PDGFB: variants seen among roughly 807,000 people sequenced by gnomAD.
PDGFB encodes platelet derived growth factor subunit B.
A neutral mutation model predicts 29.0 loss-of-function variants in PDGFB; 6 were observed. The ratio of observed to expected loss-of-function variants is 0.21; its 90% CI spans 0.11 to 0.41. PDGFB has a LOEUF of 0.41. Among genes scored for constraint, PDGFB ranks in the 10% least tolerant of loss-of-function variants. The pLI is 1.00. For synonymous variants in PDGFB, 144 were observed against 140.8 expected (o/e 1.02, Z -0.16); for missense variants, 299 against 341.8 (o/e 0.87, Z 0.99).
intron 2 of PDGFB, among the ~76,000 whole-genome samples, 167 bp downstream of exon 2, chr22:39,235,611 T>A (rs1387513969): frequency 6.6e-6 from 1 of 152,230 alleles, no homozygotes; most frequent in African/African-American, 2.4e-5. Context: ...CCAACCCGCC[T>A]GCTGACTCGG....
chr22:39,237,599 A>G (rs892534672), intron 1 of PDGFB, among the ~76,000 whole-genome samples: 3 of 152,174 alleles, frequency 2.0e-5, no homozygotes, highest in African/African-American at 7.2e-5. Context: ...TTTCCACCTC[A>G]GAAGAGAGAC....
intron 5 of PDGFB, among the ~76,000 whole-genome samples, chr22:39,226,909 G>C (rs992074924): frequency 2.0e-5 from 3 of 152,206 alleles, no homozygotes; most frequent in Admixed American, 2.0e-4. Context: ...CCCACGTATC[G>C]TGGACATTGG....
chr22:39,241,057 G>A (rs773155580), intron 1 of PDGFB: 4 of 670,380 alleles, frequency 6.0e-6, no homozygotes, highest in Non-Finnish European at 1.1e-5. Context: ...TGCCCCCTAG[G>A]GCCATTAGCA....
rs2041042670 is a variant in PDGFB, at chr22:39,225,740, C to T, written c.709G>A (p.Glu237Lys). 1.2e-6 allele frequency: 2 copies of T among 1,614,018 alleles called. No homozygotes were observed. The highest frequency in any genetic ancestry group is 1.3e-5 in the African/African-American group (1 of 74,940). Residue 237 changes from glutamate to lysine, a missense_variant, in exon 6 of 7, where the codon GAG (glutamate) becomes AAG (lysine). Glu to Lys is a moderately conservative substitution (Grantham distance 56). Coordinates refer to ENST00000331163, the MANE Select transcript of PDGFB (RefSeq NM_002608.4). ...CGATGCCCCTAGGCTCCAAGGGTCT[C>T]CTTCAGTGCCGTCTTGTCATGCGTG... ...KHTHDKTALK[E>K]TLGA
chr22:39,233,410 C>A lies in PDGFB; in HGVS notation c.250+25G>T, dbSNP rs550224044. The A allele has an allele frequency of 8.1e-5, 127 of 1,559,648 alleles. No homozygotes were observed. In the African/African-American group the frequency reaches 1.6e-3, roughly 20 times the overall value. The stretch of plus-strand genomic sequence containing the variant: ...CTGGCCCCCATGCTAATTTGAAGGA[C>A]CCTTGTTGGGTGTCTCAGTCTTACC... On this transcript the variant is annotated intron_variant, in intron 3 of 6. Coordinates refer to ENST00000331163, the MANE Select transcript of PDGFB (RefSeq NM_002608.4).
rs1236165672 is a variant in PDGFB at position 39,223,728 on chromosome 22, G to A, written c.*1614C>T. ...TATTTTTTTTTACAACTTTAAATAC[G>A]GAATATAAATAAATTTTACATTTAA... On this transcript the variant is annotated 3_prime_UTR_variant, in exon 7 of 7. Transcript: ENST00000331163. 8 of 152,666 alleles carry A rather than the reference G, an allele frequency of 5.2e-5. No homozygotes were observed. The highest frequency in any genetic ancestry group is 2.1e-4 in the South Asian group (1 of 4,826). 9.5% of individuals were successfully genotyped at this position (152,666 alleles called of 1,614,324 possible).
intron 4 of PDGFB, among the ~76,000 whole-genome samples, chr22:39,230,775 A>G (rs565753953): frequency 6.6e-6 from 1 of 152,240 alleles, no homozygotes; most frequent in South Asian, 2.1e-4. Flanking sequence ...AGGAGAGGCC[A>G]CGGGCTGGTG....
intron 5 of PDGFB, among the ~76,000 whole-genome samples, chr22:39,227,511 T>C (rs954412268): frequency 7.2e-5 from 11 of 152,214 alleles, no homozygotes; most frequent in African/African-American, 2.7e-4. Context: ...CTGGTGCTGT[T>C]CTATGCTCAT....
At chr22:39,236,882 G>A (rs1445289959) in intron 1 of PDGFB, among the ~76,000 whole-genome samples, 1 of 152,230 alleles carries the variant, frequency 6.6e-6, no homozygotes, top group Non-Finnish European at 1.5e-5. Context: ...TGCAGGCACA[G>A]GCACTCGGGC....
rs929580017 is a variant in PDGFB, at chr22:39,243,849, G to C, written c.63+52C>G. ...GGAGAGGAGGGGGCGGTCAGAAGGG[G>C]GGGGCGAAGGTAATGAATGAAGAAC... On this transcript the variant is annotated intron_variant, in intron 1 of 6. Coordinates refer to ENST00000331163, the MANE Select transcript of PDGFB (RefSeq NM_002608.4). This position sits in a 1 kb window ranked among gnomAD's most constrained non-coding sequence, Gnocchi z 6.4. The C allele has an allele frequency of 6.8e-7, 1 of 1,467,622 alleles. No individual in the cohort carries two copies. The highest frequency in any genetic ancestry group is 1.4e-5 in the African/African-American group (1 of 71,072). The allele number at this position is 1,467,622 out of a possible 1,614,324, so 90.9% of individuals were successfully genotyped here. A position where few individuals can be genotyped will look rare whatever the true frequency, so the allele number is the denominator to read the frequency against.
intron 5 of PDGFB, among the ~76,000 whole-genome samples, chr22:39,228,483 G>C (rs1932218993): frequency 6.6e-6 from 1 of 152,180 alleles, no homozygotes; most frequent in Non-Finnish European, 1.5e-5. Flanking sequence ...CAGCTACTCA[G>C]GAGGCTGAGG....
intron 1 of PDGFB, among the ~76,000 whole-genome samples, chr22:39,240,557 C>T (rs1170477053): frequency 6.6e-6 from 1 of 152,122 alleles, no homozygotes; most frequent in Admixed American, 6.6e-5. Flanking sequence ...GGGGGGCTGC[C>T]CTCGGAGCAG....
intron 5 of PDGFB, among the ~76,000 whole-genome samples, chr22:39,229,008 T>C (rs995047423): frequency 3.9e-5 from 6 of 151,938 alleles, no homozygotes; most frequent in African/African-American, 1.4e-4. Flanking sequence ...AGCCTTTCCA[T>C]GGCATCCAGC....
At chr22:39,225,868 C>G in intron 5 of PDGFB, 21 bp from the exon 6 acceptor site, 1 of 1,605,694 alleles carries the variant, frequency 6.2e-7, no homozygotes, top group Admixed American at 1.7e-5. Context: ...AAAAGAAAGA[C>G]CTCGTCAGCA....
chr22:39,244,054 G>A lies in PDGFB; in HGVS notation c.-91C>T. The A allele has an allele frequency of 1.6e-6, 1 of 608,034 alleles. No individual in the cohort carries two copies. The highest frequency in any genetic ancestry group is 2.7e-6 in the Non-Finnish European group (1 of 376,090). 37.7% of individuals were successfully genotyped at this position (608,034 alleles called of 1,614,324 possible). A position where few individuals can be genotyped will look rare whatever the true frequency, so the allele number is the denominator to read the frequency against. On this transcript the variant is annotated 5_prime_UTR_variant, in exon 1 of 7. Coordinates refer to ENST00000331163, the MANE Select transcript of PDGFB (RefSeq NM_002608.4). This position sits in a 1 kb window ranked among gnomAD's most constrained non-coding sequence, Gnocchi z 4.5. ...AGGGTGGGGGGCTGGGGAGGGGGGT[G>A]GGCTCGGCTCGGGTCCGCGGCGATC...
Position 39,242,382 on chromosome 22 carries a change from G to A in PDGFB, c.63+1519C>T. ...GCCGTTCCCAGGACGCCCTGGCACC[G>A]GGCCCAGCCCCCAGGTCCCACGGCG... On this transcript the variant is annotated intron_variant, in intron 1 of 6. Coordinates refer to ENST00000331163, the MANE Select transcript of PDGFB (RefSeq NM_002608.4). This position sits in a 1 kb window ranked among gnomAD's most constrained non-coding sequence, Gnocchi z 5.7. 4.9e-6 allele frequency: 1 copy of A among 206,136 alleles called. No individual in the cohort carries two copies. Among genetic ancestry groups the A allele is most frequent in the Non-Finnish European group, 9.9e-6 (1 of 101,044 alleles). The allele number at this position is 206,136 out of a possible 1,614,324, so 12.8% of individuals were successfully genotyped here.
rs879323488 is a variant in PDGFB, at chr22:39,242,869, G to C, written c.63+1032C>G. 23 of 232,542 alleles carry C rather than the reference G, an allele frequency of 9.9e-5. No individual in the cohort carries two copies. The highest frequency in any genetic ancestry group is 1.4e-4 in the Non-Finnish European group (17 of 117,666). The allele number at this position is 232,542 out of a possible 1,614,324, so 14.4% of individuals were successfully genotyped here. A position where few individuals can be genotyped will look rare whatever the true frequency, so the allele number is the denominator to read the frequency against. ...CGGTACCCAGTCACGCCGCGCTCCC[G>C]GCTGCCCTCTCCTCCCCTCCACCGC... On this transcript the variant is annotated intron_variant, in intron 1 of 6. Coordinates refer to ENST00000331163, the MANE Select transcript of PDGFB (RefSeq NM_002608.4). This position sits in a 1 kb window ranked among gnomAD's most constrained non-coding sequence, Gnocchi z 5.7.
chr22:39,244,107 T>G lies in PDGFB; in HGVS notation c.-144A>C. On this transcript the variant is annotated 5_prime_UTR_variant, in exon 1 of 7. Coordinates refer to ENST00000331163, the MANE Select transcript of PDGFB (RefSeq NM_002608.4). The surrounding 1 kb of genome is among the most constrained non-coding windows in gnomAD (Gnocchi z 4.5). ...GCGCTCAGGCCTCTGCAGCCGCGGC[T>G]CACCCGCATGGCCCCCGGGCGCCGC... The G allele has an allele frequency of 2.7e-6, 1 of 377,278 alleles. No individual in the cohort carries two copies. The highest frequency in any genetic ancestry group is 4.5e-6 in the Non-Finnish European group (1 of 221,226). 23.4% of individuals were successfully genotyped at this position (377,278 alleles called of 1,614,324 possible). A position where few individuals can be genotyped will look rare whatever the true frequency, so the allele number is the denominator to read the frequency against.
chr22:39,244,835 GTA>G lies in PDGFB; in HGVS notation c.-874_-873del, dbSNP rs1397016501. ...TTTTTTTTCCTTTTTGCGCGCGTAT[GTA>G]TGTGTGTGCGCGCAAAGTATCTCTA... On this transcript the variant is annotated 5_prime_UTR_variant, in exon 1 of 7. Coordinates refer to ENST00000331163, the MANE Select transcript of PDGFB (RefSeq NM_002608.4). The surrounding 1 kb of genome is among the most constrained non-coding windows in gnomAD (Gnocchi z 4.5). 5.3e-6 allele frequency: 1 copy of G among 189,688 alleles called. No individual in the cohort carries two copies. The highest frequency in any genetic ancestry group is 2.4e-5 in the African/African-American group (1 of 41,744). The allele number at this position is 189,688 out of a possible 1,614,324, so 11.8% of individuals were successfully genotyped here. A position where few individuals can be genotyped will look rare whatever the true frequency, so the allele number is the denominator to read the frequency against.
Sources: gnomAD v4.1 joint callset for allele counts (sites outside exome capture counted in the v4.1 genomes callset) on GRCh38, gnomAD v4.1.1 for gene constraint, Gnocchi (gnomAD v3.1) non-coding constraint, MANE v1.5 for transcripts, NCBI Gene and HGNC (gene_info 2026-07-23, HGNC 2026-07-21) for gene names.